ARHGEF28: variants seen among roughly 807,000 people sequenced by gnomAD.
ARHGEF28 encodes the protein Rho guanine nucleotide exchange factor 28.
Under a neutral mutation model 206.6 loss-of-function variants are expected in ARHGEF28, and 152 were observed. The observed-to-expected ratio is 0.74, with a 90% confidence interval of 0.64 to 0.84. The LOEUF is 0.84. ARHGEF28 is among the 40% of genes least tolerant of loss of function. ARHGEF28 has a pLI of 0.00. For missense variants in ARHGEF28, 2,028 were observed against 2,073.2 expected (o/e 0.98, Z 0.42); for synonymous variants, 763 against 776.4 (o/e 0.98, Z 0.29).
intron 1 of ARHGEF28, among the ~76,000 whole-genome samples, chr5:73,628,297 A>C (rs1743131904): frequency 6.6e-6 from 1 of 152,134 alleles, no homozygotes; most frequent in Non-Finnish European, 1.5e-5. Flanking sequence ...ATATACTATT[A>C]CTTCTATATT....
chr5:73,803,986 G>A (rs1297957631), intron 9 of ARHGEF28, among the ~76,000 whole-genome samples: 1 of 150,218 alleles, frequency 6.7e-6, no homozygotes, highest in African/African-American at 2.4e-5. Context: ...TCAGGAGGCT[G>A]AGGTGGGAGG....
intron 2 of ARHGEF28, among the ~76,000 whole-genome samples, chr5:73,747,488 C>G (rs1399498872): frequency 6.6e-6 from 1 of 152,168 alleles, no homozygotes; most frequent in African/African-American, 2.4e-5. Context: ...AAATCCGTCT[C>G]CTTTGAGCTT....
chr5:73,877,727 T>C (rs1580028777), intron 22 of ARHGEF28, among the ~76,000 whole-genome samples: 2 of 151,142 alleles, frequency 1.3e-5, no homozygotes, highest in East Asian at 1.9e-4. Context: ...TGTAGTTGAG[T>C]GGTTTTGAGT....
chr5:73,811,194 T>C (rs1688586880), intron 9 of ARHGEF28, among the ~76,000 whole-genome samples: 1 of 152,218 alleles, frequency 6.6e-6, no homozygotes, highest in Admixed American at 6.5e-5. Context: ...AAGGTCCCCT[T>C]TCCTTGGTCT....
At chr5:73,824,334 ACT>A (rs1756767005) in intron 9 of ARHGEF28, among the ~76,000 whole-genome samples, 2 of 152,114 alleles carry the variant, frequency 1.3e-5, no homozygotes, top group Non-Finnish European at 2.9e-5. Flanking sequence ...GCAAAATAAA[ACT>A]CTCATTCCCA....
intron 9 of ARHGEF28, among the ~76,000 whole-genome samples, chr5:73,809,312 A>G (rs1755699999): frequency 6.6e-6 from 1 of 152,210 alleles, no homozygotes. Flanking sequence ...TTGAAAATTT[A>G]CTTCTGTTAA....
chr5:73,637,042 T>C (rs978159123), intron 1 of ARHGEF28, among the ~76,000 whole-genome samples: 2 of 152,224 alleles, frequency 1.3e-5, no homozygotes, highest in African/African-American at 4.8e-5. Context: ...CATGTTATTG[T>C]TGTCAGAATA....
intron 16 of ARHGEF28, among the ~76,000 whole-genome samples, chr5:73,859,205 G>A (rs1174768949): frequency 3.1e-4 from 47 of 152,190 alleles, no homozygotes; most frequent in Non-Finnish European, 1.5e-5. Context: ...TCTGCTATAT[G>A]CAGAGTGGCT....
At chr5:73,632,408 C>G (rs941945766) in intron 1 of ARHGEF28, among the ~76,000 whole-genome samples, 5 of 152,154 alleles carry the variant, frequency 3.3e-5, no homozygotes, top group Admixed American at 6.5e-5. Context: ...GTGCACAATT[C>G]CCCTGCATGG....
chr5:73,886,008 G>T lies in ARHGEF28; in HGVS notation c.3214G>T (p.Gly1072Ter), dbSNP rs772181785. The change falls in exon 25 of 36, where the codon GGA becomes TGA. Residue 1072 changes from glycine to a stop codon, truncating the protein, a stop_gained. Transcript: ENST00000513042. LOFTEE classifies it high-confidence loss of function. ...ENKTYTKLKN[G>*]HVFRKQALMS... is the part of the protein sequence containing the mutation. ...CAAAACATACACGAAGCTCAAAAAT[G>T]GACATGTGTTTAGGAAGCAGGCACT... 5 of 1,613,746 alleles carry T rather than the reference G, an allele frequency of 3.1e-6. No individual in the cohort carries two copies. The highest frequency in any genetic ancestry group is 4.2e-6 in the Non-Finnish European group (5 of 1,179,866).
At chr5:73,916,174 T>C (rs751218498) in intron 35 of ARHGEF28, among the ~76,000 whole-genome samples, 6 of 152,048 alleles carry the variant, frequency 3.9e-5, no homozygotes, top group Non-Finnish European at 8.8e-5. Context: ...TTTAAATAAG[T>C]CTTAAGAAGT....
At chr5:73,727,296 G>A (rs1750328219) in intron 2 of ARHGEF28, among the ~76,000 whole-genome samples, 1 of 152,190 alleles carries the variant, frequency 6.6e-6, no homozygotes, top group Admixed American at 6.5e-5. Flanking sequence ...TTCTTGGGGA[G>A]TTTGTCTCCT....
At chr5:73,697,479 G>A (rs923630716) in intron 2 of ARHGEF28, among the ~76,000 whole-genome samples, 2 of 152,200 alleles carry the variant, frequency 1.3e-5, no homozygotes, top group Non-Finnish European at 2.9e-5. Flanking sequence ...TGTAGTGAGA[G>A]CTGCCTTGCT....
At chr5:73,758,892 C>A (rs930196717) in intron 4 of ARHGEF28, among the ~76,000 whole-genome samples, 6 of 152,188 alleles carry the variant, frequency 3.9e-5, no homozygotes, top group African/African-American at 1.4e-4. Flanking sequence ...TTTAACAAAA[C>A]AAAGTATTAC....
At chr5:73,901,524 A>T in intron 31 of ARHGEF28, 60 of 302,512 alleles carry the variant, frequency 2.0e-4, no homozygotes, top group East Asian at 3.2e-4. Flanking sequence ...AAGATTAAAA[A>T]CTCTCCTGTG....
intron 33 of ARHGEF28, among the ~76,000 whole-genome samples, chr5:73,906,563 T>C (rs963469850): frequency 1.5e-4 from 23 of 152,318 alleles, no homozygotes; most frequent in African/African-American, 5.3e-4. Context: ...CTTGCCAACA[T>C]CATTAAGTTA....
At chr5:73,773,412 C>G (rs1281650743) in intron 4 of ARHGEF28, among the ~76,000 whole-genome samples, 1 of 152,104 alleles carries the variant, frequency 6.6e-6, no homozygotes, top group Non-Finnish European at 1.5e-5. Context: ...GCTCTGAGGA[C>G]AAAGGGTGGA....
intron 16 of ARHGEF28, 141 bp from the exon 17 acceptor site, chr5:73,864,676 G>T: frequency 1.5e-6 from 1 of 676,994 alleles, no homozygotes. Flanking sequence ...TTAAATATTT[G>T]TCTTTCCTTC....
chr5:73,644,276 C>T (rs12653891), intron 1 of ARHGEF28, among the ~76,000 whole-genome samples: 14,265 of 152,248 alleles, frequency 0.094, 1,060 homozygotes, highest in East Asian at 0.33. Flanking sequence ...AGCATTTAAA[C>T]TAGCAGACCC....
Sources: allele counts gnomAD v4.1 joint callset (sites outside exome capture counted in the v4.1 genomes callset), GRCh38; gene constraint gnomAD v4.1.1; transcripts MANE v1.5; gene names NCBI Gene and HGNC (gene_info 2026-07-23, HGNC 2026-07-21).